Variants in PBX3 observed in about 807,000 individuals in gnomAD.
PBX3 encodes pre-B-cell leukemia transcription factor 3.
Under a neutral mutation model 48.5 loss-of-function variants are expected in PBX3, and 14 were observed. The ratio of observed to expected loss-of-function variants is 0.29; its 90% confidence interval spans 0.19 to 0.45. PBX3 has a LOEUF of 0.45. Ranked by LOEUF, PBX3 falls within the 20% of genes least tolerant of loss-of-function variation. The pLI is 1.00. For missense variants in PBX3, 386 were observed against 546.7 expected (o/e 0.71, Z 2.93); for synonymous variants, 210 against 200.3 (o/e 1.05, Z -0.41).
chr9:125,808,440 C>CT (rs1187343314), intron 2 of PBX3, among the ~76,000 whole-genome samples: 4 of 152,120 alleles, frequency 2.6e-5, no homozygotes, highest in African/African-American at 9.7e-5. Context: ...CGTTGGAAGG[C>CT]TGAGGTGTGA....
chr9:125,962,665 GTA>G (rs1434257647), intron 7 of PBX3, among the ~76,000 whole-genome samples: 4 of 152,148 alleles, frequency 2.6e-5, no homozygotes, highest in Non-Finnish European at 4.4e-5. Flanking sequence ...ACATCTAGAT[GTA>G]TGTGTATGAG....
At chr9:125,921,164 T>C (rs1334064821) in intron 3 of PBX3, among the ~76,000 whole-genome samples, 2 of 152,230 alleles carry the variant, frequency 1.3e-5, no homozygotes, top group African/African-American at 4.8e-5. Flanking sequence ...TTATTTCTTG[T>C]TGGCTTTCAT....
chr9:125,913,143 G>A (rs1462323213), intron 2 of PBX3, among the ~76,000 whole-genome samples: 1 of 151,988 alleles, frequency 6.6e-6, no homozygotes, highest in African/African-American at 2.4e-5. Context: ...ATTATTGATA[G>A]TCTTCTTCTT....
chr9:125,941,754 T>G (rs1209118185), intron 5 of PBX3, among the ~76,000 whole-genome samples: 1 of 152,256 alleles, frequency 6.6e-6, no homozygotes, highest in East Asian at 1.9e-4. Flanking sequence ...AGAATCATAC[T>G]TAAATTGTCA....
chr9:125,795,743 G>A (rs1382656185), intron 2 of PBX3, among the ~76,000 whole-genome samples: 2 of 151,862 alleles, frequency 1.3e-5, no homozygotes, highest in African/African-American at 2.4e-5. Context: ...TAATGCTAAT[G>A]GAAATGGAAG....
intron 2 of PBX3, among the ~76,000 whole-genome samples, chr9:125,830,014 G>C (rs888660054): frequency 1.3e-5 from 2 of 152,200 alleles, no homozygotes; most frequent in African/African-American, 4.8e-5. Flanking sequence ...CTGAAGTTGG[G>C]AGGCAGTGTC....
intron 5 of PBX3, among the ~76,000 whole-genome samples, chr9:125,954,294 G>T (rs1207354557): frequency 6.6e-6 from 1 of 152,090 alleles, no homozygotes; most frequent in African/African-American, 2.4e-5. Context: ...TATTTGTATT[G>T]CTTTGATTAG....
intron 5 of PBX3, among the ~76,000 whole-genome samples, chr9:125,950,407 G>A (rs915484280): frequency 6.6e-6 from 1 of 151,626 alleles, no homozygotes; most frequent in African/African-American, 2.4e-5. Flanking sequence ...ATTTCTATTT[G>A]TTCGGTTCTC....
intron 2 of PBX3, among the ~76,000 whole-genome samples, chr9:125,763,225 G>A (rs1195154549): frequency 6.6e-6 from 1 of 152,122 alleles, no homozygotes; most frequent in Non-Finnish European, 1.5e-5. Flanking sequence ...AATTGTCACA[G>A]GATTACAAGG....
intron 2 of PBX3, among the ~76,000 whole-genome samples, chr9:125,851,870 CT>C (rs1164910184): frequency 0.041 from 5,024 of 121,430 alleles, 297 homozygotes; most frequent in African/African-American, 0.13. Flanking sequence ...ATTTTTGCTG[CT>C]TTTTTTTTTT....
intron 2 of PBX3, among the ~76,000 whole-genome samples, chr9:125,849,871 T>G (rs1839531446): frequency 6.6e-6 from 1 of 152,012 alleles, no homozygotes; most frequent in Non-Finnish European, 1.5e-5. Context: ...CGTTTTTACT[T>G]AATCAACAGT....
chr9:125,915,157 C>T (rs1219442431), intron 2 of PBX3, among the ~76,000 whole-genome samples: 1 of 152,086 alleles, frequency 6.6e-6, no homozygotes, highest in Non-Finnish European at 1.5e-5. Context: ...TGAAATCACA[C>T]GATGGAAAAG....
chr9:125,803,372 G>T (rs1588162410), intron 2 of PBX3, among the ~76,000 whole-genome samples: 1 of 151,992 alleles, frequency 6.6e-6, no homozygotes, highest in South Asian at 2.1e-4. Context: ...ACAGGCATGA[G>T]CCACTGTGCC....
At chr9:125,912,816 C>T (rs972600471) in intron 2 of PBX3, among the ~76,000 whole-genome samples, 1 of 152,096 alleles carries the variant, frequency 6.6e-6, no homozygotes, top group Non-Finnish European at 1.5e-5. Context: ...GATAACCACA[C>T]AGTCTGATTC....
At chr9:125,957,423 C>A (rs1842333116) in intron 5 of PBX3, among the ~76,000 whole-genome samples, 1 of 152,200 alleles carries the variant, frequency 6.6e-6, no homozygotes, top group South Asian at 2.1e-4. Context: ...CAAGCAAATC[C>A]ACTTGCTAAA....
At position 125,851,828 on chromosome 9, in the gene PBX3, G is replaced by A. The variant is rs912347315; in HGVS notation, c.275-63858G>A. 4.7e-5 allele frequency among the ~76,000 whole-genome samples: 7 copies of A among 148,696 alleles called. No individual in the cohort carries two copies. The South Asian group carries it at 1.3e-3, about 27-fold the overall frequency. On this transcript the variant is annotated intron_variant, in intron 2 of 8. Transcript: ENST00000373489. ...GCTGATACATGCTCCTTAATTAAAAGCATTTGTTTAGAAGTTTAGAGAATT... is the reference window on the plus strand; with the variant it reads ...GCTGATACATGCTCCTTAATTAAAAACATTTGTTTAGAAGTTTAGAGAATT...
rs370694879 is a variant in PBX3, at chr9:125,805,068, A to G, written c.274+56445A>G. Among the ~76,000 whole-genome samples, 46 of 152,256 alleles carry G rather than the reference A, an allele frequency of 3.0e-4. 1 individual carries two copies. In the South Asian group the frequency reaches 9.3e-3, roughly 31 times the overall value. On this transcript the variant is annotated intron_variant, in intron 2 of 8. Transcript: ENST00000373489. ...TCCAAGTATATCAACAGACTGATGA[A>G]AGAGATACTAAGTGAGGCCACTTTA...
chr9:125,847,718 CTTT>C (rs34330364), intron 2 of PBX3, among the ~76,000 whole-genome samples: 1 of 140,178 alleles, frequency 7.1e-6, no homozygotes, highest in African/African-American at 2.6e-5. Context: ...TAGTTTCCAA[CTTT>C]TTTTTTTTTT....
At chr9:125,877,893 T>G (rs1290070881) in intron 2 of PBX3, among the ~76,000 whole-genome samples, 1 of 152,236 alleles carries the variant, frequency 6.6e-6, no homozygotes, top group Non-Finnish European at 1.5e-5. Context: ...CTTAATCTTT[T>G]GCCTTCTTCC....
Sources: gnomAD v4.1 joint callset for allele counts (sites outside exome capture counted in the v4.1 genomes callset) on GRCh38, gnomAD v4.1.1 for gene constraint, MANE v1.5 for transcripts, NCBI Gene and HGNC (gene_info 2026-07-23, HGNC 2026-07-21) for gene names.